The following BMPR1A variants were observed in gnomAD, a reference collection of about 807,000 sequenced individuals.
BMPR1A encodes bone morphogenetic protein receptor type-1A.
A neutral mutation model predicts 66.0 loss-of-function variants in BMPR1A; 7 were observed. The ratio of observed to expected loss-of-function variants is 0.11; its 90% CI spans 0.06 to 0.20. The LOEUF (loss-of-function observed/expected upper bound fraction) is 0.20, where lower values mean the gene tolerates loss of function less well. BMPR1A is among the 10% of genes least tolerant of loss of function. The pLI, the probability that BMPR1A is intolerant of heterozygous loss-of-function variation, is 1.00. For missense variants in BMPR1A, 408 were observed against 669.1 expected, an observed-to-expected ratio of 0.61 and a Z score of 4.31; for synonymous variants, 200 against 229.7, an observed-to-expected ratio of 0.87 and a Z score of 1.17.
At chr10:86,861,603 T>C (rs190080798) in intron 2 of BMPR1A, among the ~76,000 whole-genome samples, 1 of 152,360 alleles carries the variant, frequency 6.6e-6, no homozygotes, top group East Asian at 1.9e-4. Flanking sequence ...TGTAATTATT[T>C]CCATACTTAT....
intron 2 of BMPR1A, among the ~76,000 whole-genome samples, chr10:86,852,589 A>G (rs1362763686): frequency 1.3e-5 from 2 of 152,222 alleles, no homozygotes; most frequent in African/African-American, 4.8e-5. Context: ...AACTTAGGAC[A>G]TATTAAAACG....
intron 1 of BMPR1A, among the ~76,000 whole-genome samples, chr10:86,788,478 G>T (rs559818566): frequency 1.9e-4 from 29 of 152,336 alleles, no homozygotes; most frequent in African/African-American, 5.3e-4. Context: ...CTTAGGGCTG[G>T]AGTGGAAACA....
chr10:86,830,364 A>G (rs958777629), intron 1 of BMPR1A, among the ~76,000 whole-genome samples: 5 of 152,220 alleles, frequency 3.3e-5, no homozygotes, highest in African/African-American at 1.2e-4. Flanking sequence ...AGCCTGGCTC[A>G]TTTGGTCAAG....
chr10:86,868,121 G>C (rs894959393), intron 2 of BMPR1A, among the ~76,000 whole-genome samples: 1 of 152,114 alleles, frequency 6.6e-6, no homozygotes, highest in African/African-American at 2.4e-5. Flanking sequence ...GGCTCTCTTT[G>C]CTCCTGGCCC....
At chr10:86,907,571 C>T (rs2133509430) in intron 7 of BMPR1A, among the ~76,000 whole-genome samples, 1 of 40,084 alleles carries the variant, frequency 2.5e-5, no homozygotes, top group South Asian at 8.4e-4. Context: ...GTGGAATCAA[C>T]CGTGTCCATC....
At chr10:86,893,570 A>C (rs867930676) in intron 5 of BMPR1A, among the ~76,000 whole-genome samples, 13 of 152,180 alleles carry the variant, frequency 8.5e-5, no homozygotes, top group Non-Finnish European at 1.6e-4. Flanking sequence ...CGGGTGGATC[A>C]CGAGGTCTGG....
At chr10:86,860,293 AAATT>A (rs1403668106) in intron 2 of BMPR1A, among the ~76,000 whole-genome samples, 2 of 152,238 alleles carry the variant, frequency 1.3e-5, no homozygotes, top group Non-Finnish European at 2.9e-5. Context: ...TATGTGAACA[AAATT>A]AAAGCATTAT....
Position 86,919,201 on chromosome 10 carries a change from G to A in BMPR1A, c.898G>A (p.Gly300Ser), listed in dbSNP as rs763040797. 4 of 1,613,926 alleles carry A rather than the reference G, an allele frequency of 2.5e-6. No homozygotes were observed. The highest frequency in any genetic ancestry group is 3.4e-6 in the Non-Finnish European group (4 of 1,179,860). The change falls in exon 10 of 13, where the codon GGT becomes AGT. Residue 300 changes from glycine (G) to serine (S), a missense_variant. Around this residue, in one of 5 missense-constraint regions of BMPR1A, gnomAD observed 174 missense variants for 265.1 expected, o/e 0.66. Transcript: ENST00000372037. ...GFIAADIKGT[G>S]SWTQLYLITD... Reference sequence around the variant, plus strand: ...CATAGCGGCAGACATTAAAGGTACAGGTTCCTGGACTCAGCTCTATTTGAT... The same window carrying A: ...CATAGCGGCAGACATTAAAGGTACAAGTTCCTGGACTCAGCTCTATTTGAT...
rs1167344372 is a variant in BMPR1A, at chr10:86,925,129, T to C, written c.*1410T>C. ...TCAGGCAGAAATATTTAGTATCTAGTCAGTATCTGTAGCTACACTGTATAA... is the reference window on the plus strand; with the variant it reads ...TCAGGCAGAAATATTTAGTATCTAGCCAGTATCTGTAGCTACACTGTATAA... On this transcript the variant is annotated 3_prime_UTR_variant, in exon 13 of 13. Transcript: ENST00000372037. 1 of 231,934 alleles carries C rather than the reference T, an allele frequency of 4.3e-6. No individual in the cohort carries two copies. Among genetic ancestry groups the C allele is most frequent in the Non-Finnish European group, 8.5e-6 (1 of 117,270 alleles). The allele number at this position is 231,934 out of a possible 1,614,324, so 14.4% of individuals were successfully genotyped here. A position where few individuals can be genotyped will look rare whatever the true frequency, so the allele number is the denominator to read the frequency against.
At chr10:86,789,831 G>T (rs551292202) in intron 1 of BMPR1A, among the ~76,000 whole-genome samples, 1 of 151,514 alleles carries the variant, frequency 6.6e-6, no homozygotes, top group Non-Finnish European at 1.5e-5. Context: ...GGCTACATAA[G>T]CTCATGAAAA....
rs1589291722 is a variant in BMPR1A at position 86,919,352 on chromosome 10, A to G, written c.1049A>G (p.Tyr350Cys). ...CGLCHLHTEI[Y>C]GTQGKPAIAH... ...CTGTGCCACCTGCACACAGAAATTT[A>G]TGGCACCCAAGGAAAGCCCGCAATT... The change falls in exon 10 of 13, where the codon TAT (tyrosine) becomes TGT (cysteine). Residue 350 changes from tyrosine (Y) to cysteine (C), a missense_variant. Tyr to Cys is a radical substitution (Grantham distance 194, BLOSUM62 -2). Transcript: ENST00000372037. The G allele has an allele frequency of 6.2e-7, 1 of 1,613,424 alleles. No individual in the cohort carries two copies. Among genetic ancestry groups the G allele is most frequent in the Non-Finnish European group, 8.5e-7 (1 of 1,179,870 alleles).
chr10:86,797,946 T>G (rs1031982710), intron 1 of BMPR1A, among the ~76,000 whole-genome samples: 3 of 152,152 alleles, frequency 2.0e-5, no homozygotes, highest in African/African-American at 7.2e-5. Flanking sequence ...TAGGTAAGCC[T>G]CAGAAATGGG....
At chr10:86,778,885 A>G (rs1401690242) in intron 1 of BMPR1A, among the ~76,000 whole-genome samples, 1 of 147,832 alleles carries the variant, frequency 6.8e-6, no homozygotes, top group African/African-American at 2.5e-5. Context: ...TTCCAGTTCC[A>G]TCCATATTGC....
In BMPR1A at chr10:86,925,721, C is replaced by CCTT. The variant is rs1843730265; in HGVS notation, c.*2002_*2003insCTT. 8.6e-6 allele frequency: 1 copy of CCTT among 116,306 alleles called. No individual in the cohort carries two copies. The highest frequency in any genetic ancestry group is 4.0e-5 in the African/African-American group (1 of 25,018). The allele number at this position is 116,306 out of a possible 1,614,324, so 7.2% of individuals were successfully genotyped here. A position where few individuals can be genotyped will look rare whatever the true frequency, so the allele number is the denominator to read the frequency against. ...CATAATCTTTAAAATCATTTGTCAT[C>CCTT]TTTTTTTTTTTTTTTTTGAGACGGA... is the stretch of plus-strand genomic sequence containing the variant. On this transcript the variant is annotated 3_prime_UTR_variant, in exon 13 of 13. Transcript: ENST00000372037.
At chr10:86,804,792 G>GT (rs5786747) in intron 1 of BMPR1A, among the ~76,000 whole-genome samples, 3,465 of 57,242 alleles carry the variant, frequency 0.061, 115 homozygotes, top group Non-Finnish European at 0.067. Flanking sequence ...GTTTGTAGGT[G>GT]TTTTTTTTTT....
chr10:86,916,119 C>A (rs1318468261), intron 8 of BMPR1A, among the ~76,000 whole-genome samples: 1 of 152,124 alleles, frequency 6.6e-6, no homozygotes, highest in Non-Finnish European at 1.5e-5. Context: ...TTCAAAAAAA[C>A]CCAGCGACAG....
chr10:86,767,325 G>A (rs1841182108), intron 1 of BMPR1A, among the ~76,000 whole-genome samples: 2 of 152,134 alleles, frequency 1.3e-5, no homozygotes, highest in South Asian at 4.1e-4. Context: ...TTTGTACAAA[G>A]TAAATGTTCA....
At chr10:86,887,753 G>A (rs1325539644) in intron 3 of BMPR1A, among the ~76,000 whole-genome samples, 1 of 152,156 alleles carries the variant, frequency 6.6e-6, no homozygotes, top group Non-Finnish European at 1.5e-5. Context: ...GAGCTGAATT[G>A]ATACGTGTCT....
intron 1 of BMPR1A, among the ~76,000 whole-genome samples, chr10:86,763,595 C>T (rs1409457286): frequency 6.6e-6 from 1 of 151,430 alleles, no homozygotes; most frequent in African/African-American, 2.5e-5. Flanking sequence ...AAGAATCACG[C>T]CAGCCTTGGC....
Sources: allele counts gnomAD v4.1 joint callset (sites outside exome capture counted in the v4.1 genomes callset), GRCh38; gene constraint gnomAD v4.1.1; regional missense constraint gnomAD v4.1.1; transcripts MANE v1.5; gene names NCBI Gene and HGNC (gene_info 2026-07-23, HGNC 2026-07-21).